TAFA1: variants seen among roughly 807,000 people sequenced by gnomAD.
The protein encoded by TAFA1 is TAFA chemokine like family member 1, also known as chemokine-like protein TAFA-1.
In TAFA1, 4 loss-of-function variants were observed where a neutral mutation model predicts 18.5. That is an observed-to-expected ratio of 0.22 (90% CI 0.11 to 0.49). The LOEUF is 0.49. Among genes scored for constraint, TAFA1 ranks in the 20% least tolerant of loss-of-function variants. The probability of loss-of-function intolerance (pLI) is 0.98; values close to 1 mark genes in which losing one functional copy is unlikely to be tolerated. For synonymous variants in TAFA1, 56 were observed against 55.2 expected (o/e 1.01, Z -0.06); for missense variants, 147 against 169.0 (o/e 0.87, Z 0.72).
chr3:68,254,122 T>TATGTATGTATGC lies in TAFA1; in HGVS notation c.119-163147_119-163146insCATGTATGTATG, dbSNP rs1441985120. Reference sequence around the variant, plus strand: ...CTACCTGTCTATGTATGTATGTATGTATGTATGTATGTATCTATCTATCTA... The same window carrying TATGTATGTATGC: ...CTACCTGTCTATGTATGTATGTATGTATGTATGTATGCATGTATGTATGTATCTATCTATCTA... On this transcript the variant is annotated intron_variant, in intron 2 of 4. Coordinates refer to ENST00000478136, the MANE Select transcript of TAFA1 (RefSeq NM_213609.4). 5.2e-5 allele frequency among the ~76,000 whole-genome samples: 7 copies of TATGTATGTATGC among 134,636 alleles called. No individual in the cohort carries two copies. The East Asian group carries it at 1.8e-3, about 35-fold the overall frequency. 88.3% of individuals were successfully genotyped at this position (134,636 alleles called of 152,430 possible).
At chr3:68,443,918 G>T (rs1292313109) in intron 3 of TAFA1, among the ~76,000 whole-genome samples, 1 of 152,120 alleles carries the variant, frequency 6.6e-6, no homozygotes, top group East Asian at 1.9e-4. Flanking sequence ...CAGAATAACT[G>T]CAATTTTAAA....
chr3:68,122,026 C>A (rs2065405724), intron 2 of TAFA1, among the ~76,000 whole-genome samples: 1 of 152,064 alleles, frequency 6.6e-6, no homozygotes, highest in South Asian at 2.1e-4. Context: ...TTGTATTGTT[C>A]TTTTACGTTC....
At chr3:68,183,568 T>A (rs1361713375) in intron 2 of TAFA1, among the ~76,000 whole-genome samples, 2 of 152,148 alleles carry the variant, frequency 1.3e-5, no homozygotes, top group African/African-American at 2.4e-5. Context: ...TCTTTTCTTA[T>A]TATTTATTAG....
intron 3 of TAFA1, among the ~76,000 whole-genome samples, chr3:68,432,551 C>T (rs1262667251): frequency 1.3e-5 from 2 of 151,930 alleles, no homozygotes; most frequent in East Asian, 1.9e-4. Flanking sequence ...TACCTCCAAC[C>T]ATAAAACAAG....
At chr3:68,486,157 G>T (rs2072336397) in intron 3 of TAFA1, among the ~76,000 whole-genome samples, 1 of 142,276 alleles carries the variant, frequency 7.0e-6, no homozygotes, top group Non-Finnish European at 1.5e-5. Flanking sequence ...GGTAGAGATA[G>T]GGTCTCAATA....
intron 2 of TAFA1, among the ~76,000 whole-genome samples, chr3:68,048,254 A>G (rs905097441): frequency 1.3e-5 from 2 of 152,118 alleles, no homozygotes; most frequent in East Asian, 3.9e-4. Flanking sequence ...GTTCATGAAT[A>G]TTGAAGACGG....
intron 2 of TAFA1, among the ~76,000 whole-genome samples, chr3:68,284,293 T>C (rs1310511093): frequency 1.3e-5 from 2 of 152,204 alleles, no homozygotes; most frequent in African/African-American, 4.8e-5. Flanking sequence ...AAATACATGC[T>C]ATCACTGCAA....
rs1346797998 is a variant in TAFA1 at position 68,423,569 on chromosome 3, A to G, written c.259+6149A>G. On this transcript the variant is annotated intron_variant, in intron 3 of 4. Transcript: ENST00000478136. ...AGAAACACCCAGTTCATTGGGCAAT[A>G]CCTGCCCCTTTTTTTTCTACATCAT... Among the ~76,000 whole-genome samples, 8 of 152,252 alleles carry G rather than the reference A, an allele frequency of 5.3e-5. No homozygotes were observed. The East Asian group carries it at 1.5e-3, about 29-fold the overall frequency.
chr3:68,495,364 G>C (rs1333385328), intron 3 of TAFA1, among the ~76,000 whole-genome samples: 2 of 152,266 alleles, frequency 1.3e-5, no homozygotes, highest in East Asian at 1.9e-4. Flanking sequence ...CTGTTTTGCA[G>C]GTTGGCAAAA....
At chr3:68,101,285 TTTATA>T (rs1424194362) in intron 2 of TAFA1, among the ~76,000 whole-genome samples, 2 of 150,424 alleles carry the variant, frequency 1.3e-5, no homozygotes, top group East Asian at 1.9e-4. Context: ...TTATTTTTAT[TTTATA>T]TTATATTTTT....
At position 68,417,425 on chromosome 3, in the gene TAFA1, G is replaced by A; in HGVS notation, c.259+5G>A. 1 of 1,613,262 alleles carries A rather than the reference G, an allele frequency of 6.2e-7. No homozygotes were observed. Among genetic ancestry groups the A allele is most frequent in the South Asian group, 1.1e-5 (1 of 91,024 alleles). ...ACCGGCCTTCTTGCGTCGATGGTAG[G>A]TACCTGGTTTTACCTCTTGAAAAGC... On this transcript the variant is annotated splice_donor_5th_base_variant and intron_variant, in intron 3 of 4. Transcript: ENST00000478136.
the TAFA1 span, among the ~76,000 whole-genome samples, chr3:67,998,026 C>T: frequency 1.3e-5 from 2 of 151,060 alleles, no homozygotes; most frequent in South Asian, 4.2e-4. Flanking sequence ...AATCATAAAA[C>T]ATAAAAAACA....
the TAFA1 span, among the ~76,000 whole-genome samples, chr3:67,998,840 AG>A: frequency 6.6e-6 from 1 of 152,220 alleles, no homozygotes. Flanking sequence ...ATCAACCCAT[AG>A]GAAACCATAC....
intron 3 of TAFA1, among the ~76,000 whole-genome samples, chr3:68,459,564 A>G (rs775052241): frequency 2.0e-5 from 3 of 152,240 alleles, no homozygotes; most frequent in Non-Finnish European, 4.4e-5. Flanking sequence ...TTGAATAAAT[A>G]TAACTAAATC....
chr3:68,069,978 G>C (rs1267040896), intron 2 of TAFA1, among the ~76,000 whole-genome samples: 1 of 152,182 alleles, frequency 6.6e-6, no homozygotes, highest in African/African-American at 2.4e-5. Flanking sequence ...GGCTGGCATT[G>C]AGTGTCTATG....
At chr3:68,086,682 G>A (rs936354384) in intron 2 of TAFA1, among the ~76,000 whole-genome samples, 1 of 152,178 alleles carries the variant, frequency 6.6e-6, no homozygotes, top group African/African-American at 2.4e-5. Flanking sequence ...TACCTTTAAT[G>A]TAGTCTAAAT....
At chr3:68,535,970 G>A (rs1169230363) in intron 3 of TAFA1, among the ~76,000 whole-genome samples, 2 of 152,162 alleles carry the variant, frequency 1.3e-5, no homozygotes, top group African/African-American at 4.8e-5. Context: ...TTAATGCATA[G>A]CTATTTGTGG....
intron 3 of TAFA1, among the ~76,000 whole-genome samples, chr3:68,534,524 A>G (rs1049730873): frequency 2.6e-5 from 4 of 152,190 alleles, no homozygotes; most frequent in African/African-American, 9.7e-5. Flanking sequence ...CTTCTCTACA[A>G]CTGGAAGAAT....
intron 2 of TAFA1, among the ~76,000 whole-genome samples, chr3:68,381,783 C>T (rs1404738956): frequency 2.6e-5 from 4 of 152,116 alleles, no homozygotes; most frequent in African/African-American, 9.7e-5. Context: ...GCCTGATTGC[C>T]CTGGCCAGAA....
Sources: gnomAD v4.1 joint callset for allele counts (sites outside exome capture counted in the v4.1 genomes callset) on GRCh38, gnomAD v4.1.1 for gene constraint, MANE v1.5 for transcripts, NCBI Gene and HGNC (gene_info 2026-07-23, HGNC 2026-07-21) for gene names.